The following CORIN variants were observed in gnomAD, a reference collection of about 807,000 sequenced individuals.
CORIN encodes corin, serine peptidase.
CORIN carries 117 observed loss-of-function variants against 125.3 expected under a neutral mutation model. That is an observed-to-expected ratio of 0.93 (90% CI 0.80 to 1.09). The LOEUF (loss-of-function observed/expected upper bound fraction) is 1.09, where lower values mean the gene tolerates loss of function less well. Among genes scored for constraint, CORIN ranks in the 50% least tolerant of loss-of-function variants. The pLI is 0.00. For synonymous variants in CORIN, 450 were observed against 466.4 expected (o/e 0.96, Z 0.45); for missense variants, 1,253 against 1,306.7 (o/e 0.96, Z 0.63).
intron 6 of CORIN, among the ~76,000 whole-genome samples, chr4:47,686,315 T>C (rs1051643549): frequency 3.9e-5 from 6 of 152,074 alleles, no homozygotes; most frequent in Admixed American, 6.6e-5. Context: ...CGTAAGTCCA[T>C]ACTTATAAGC....
chr4:47,623,503 C>T (rs1722421695), intron 19 of CORIN, 68 bp downstream of exon 19: 2 of 1,526,244 alleles, frequency 1.3e-6, no homozygotes, highest in Non-Finnish European at 1.8e-6. Flanking sequence ...TTACATATGC[C>T]ACTGAGAATT....
At chr4:47,727,452 T>C (rs1727642837) in intron 5 of CORIN, among the ~76,000 whole-genome samples, 1 of 152,114 alleles carries the variant, frequency 6.6e-6, no homozygotes, top group African/African-American at 2.4e-5. Flanking sequence ...TTTATAAACA[T>C]TTATAATAGA....
At chr4:47,805,879 G>T (rs529340214) in intron 2 of CORIN, among the ~76,000 whole-genome samples, 1 of 152,160 alleles carries the variant, frequency 6.6e-6, no homozygotes, top group African/African-American at 2.4e-5. Flanking sequence ...GATCAGCATC[G>T]TCTTGATATT....
At chr4:47,645,408 A>T (rs1577777738) in intron 13 of CORIN, among the ~76,000 whole-genome samples, 2 of 149,814 alleles carry the variant, frequency 1.3e-5, no homozygotes, top group South Asian at 4.3e-4. Context: ...CCAAGATCAC[A>T]CCACTGCACT....
intron 16 of CORIN, among the ~76,000 whole-genome samples, chr4:47,637,015 G>A (rs894685143): frequency 4.6e-5 from 7 of 152,162 alleles, no homozygotes; most frequent in Non-Finnish European, 1.0e-4. Flanking sequence ...TGCTGATAGC[G>A]ATATGGACAA....
At chr4:47,761,512 T>G (rs111321177) in intron 4 of CORIN, among the ~76,000 whole-genome samples, 2 of 148,974 alleles carry the variant, frequency 1.3e-5, no homozygotes, top group African/African-American at 5.1e-5. Flanking sequence ...CACACACATA[T>G]ACACAATGGA....
chr4:47,633,059 G>A (rs1219625853), intron 16 of CORIN, among the ~76,000 whole-genome samples: 8 of 152,126 alleles, frequency 5.3e-5, no homozygotes, highest in Admixed American at 1.3e-4. Context: ...TAGGATTATA[G>A]GCGTGAGCCA....
intron 4 of CORIN, among the ~76,000 whole-genome samples, chr4:47,761,480 T>TACACACACACACACACACACACAC (rs142904418): frequency 2.1e-5 from 3 of 144,410 alleles, no homozygotes; most frequent in African/African-American, 7.6e-5. Context: ...GAAAATGTGA[T>TACACACACACACACACACACACAC]ACACACACAC....
chr4:47,664,816 C>T (rs1471198904), intron 11 of CORIN, among the ~76,000 whole-genome samples: 1 of 152,148 alleles, frequency 6.6e-6, no homozygotes, highest in Non-Finnish European at 1.5e-5. Flanking sequence ...CATCAAAGGA[C>T]GTTCACAGCT....
intron 7 of CORIN, 110 bp from the exon 8 acceptor site, chr4:47,680,361 C>T (rs550501789): frequency 3.4e-5 from 24 of 699,426 alleles, no homozygotes; most frequent in Non-Finnish European, 6.0e-5. Flanking sequence ...GCTCCAATAC[C>T]TTCAATAACA....
chr4:47,642,854 G>C, intron 15 of CORIN: 1 of 1,454,166 alleles, frequency 6.9e-7, no homozygotes, highest in Non-Finnish European at 9.0e-7. Flanking sequence ...TTGAAGTTGG[G>C]TTTTAATGAA....
rs183749605 is a variant in CORIN at position 47,789,982 on chromosome 4, A to G, written c.209-3057T>C. Among the ~76,000 whole-genome samples, 599 of 152,352 alleles carry G rather than the reference A, an allele frequency of 3.9e-3. 4 individuals are homozygous for G. The highest frequency in any genetic ancestry group is 0.014 in the African/African-American group (585 of 41,580). On this transcript the variant is annotated intron_variant, in intron 2 of 21. Transcript: ENST00000273857. ...GGTTGCAGTGAGCTGAGATCGCGCCACTGCACTCCAGCCTGGGAGACAGAG... is the reference window on the plus strand; with the variant it reads ...GGTTGCAGTGAGCTGAGATCGCGCCGCTGCACTCCAGCCTGGGAGACAGAG...
intron 10 of CORIN, among the ~76,000 whole-genome samples, chr4:47,674,071 A>G (rs1321322008): frequency 6.6e-6 from 1 of 152,218 alleles, no homozygotes; most frequent in African/African-American, 2.4e-5. Flanking sequence ...TATGCTTTAA[A>G]AAGGAAGAAA....
At chr4:47,757,114 T>C (rs1373786316) in intron 4 of CORIN, among the ~76,000 whole-genome samples, 1 of 152,202 alleles carries the variant, frequency 6.6e-6, no homozygotes. Context: ...GAAATTAGTA[T>C]GATGAATGAT....
intron 16 of CORIN, among the ~76,000 whole-genome samples, chr4:47,629,876 G>GA (rs1055605071): frequency 2.6e-5 from 4 of 152,036 alleles, no homozygotes; most frequent in African/African-American, 9.7e-5. Flanking sequence ...TTTTGGAGAT[G>GA]AAAAAATTGA....
intron 5 of CORIN, 98 bp downstream of exon 5, chr4:47,744,304 A>G (rs1485532970): frequency 8.7e-7 from 1 of 1,153,348 alleles, no homozygotes; most frequent in African/African-American, 1.6e-5. Flanking sequence ...CTTGGTTAAA[A>G]TTTATCAGAC....
At chr4:47,819,498 G>A (rs1336516988) in intron 1 of CORIN, among the ~76,000 whole-genome samples, 4 of 152,152 alleles carry the variant, frequency 2.6e-5, no homozygotes, top group African/African-American at 9.7e-5. Flanking sequence ...AATAGCCAGG[G>A]AAAGACAATC....
intron 19 of CORIN, among the ~76,000 whole-genome samples, chr4:47,607,236 G>A (rs1388789118): frequency 2.6e-5 from 4 of 151,996 alleles, no homozygotes; most frequent in East Asian, 1.9e-4. Context: ...GTGAAACCCC[G>A]TCTCTACTAA....
chr4:47,707,499 A>G (rs1726628828), intron 5 of CORIN, among the ~76,000 whole-genome samples: 1 of 152,210 alleles, frequency 6.6e-6, no homozygotes, highest in Non-Finnish European at 1.5e-5. Context: ...GTCCTCAATT[A>G]AAAGCCAATT....
Sources: allele counts gnomAD v4.1 joint callset (sites outside exome capture counted in the v4.1 genomes callset), GRCh38; gene constraint gnomAD v4.1.1; transcripts MANE v1.5; gene names NCBI Gene and HGNC (gene_info 2026-07-23, HGNC 2026-07-21).